The following KREMEN1 variants were observed in gnomAD, a reference collection of about 807,000 sequenced individuals.
KREMEN1 encodes the protein kringle containing transmembrane protein 1.
Under a neutral mutation model 46.5 loss-of-function variants are expected in KREMEN1, and 30 were observed. The observed-to-expected ratio is 0.65, with a 90% CI of 0.48 to 0.88. KREMEN1 has a LOEUF of 0.88. KREMEN1 is among the 40% of genes least tolerant of loss of function. KREMEN1 has a pLI of 0.00. For synonymous variants in KREMEN1, 214 were observed against 230.6 expected (o/e 0.93, Z 0.65); for missense variants, 533 against 596.9 (o/e 0.89, Z 1.11).
intron 1 of KREMEN1, among the ~76,000 whole-genome samples, chr22:29,074,081 C>A (rs899670680): frequency 6.6e-6 from 1 of 152,220 alleles, no homozygotes; most frequent in Non-Finnish European, 1.5e-5. Flanking sequence ...AGCCGGCGCT[C>A]AGCCCCTTTT....
At chr22:29,107,734 A>AT (rs2038084001) in intron 3 of KREMEN1, among the ~76,000 whole-genome samples, 1 of 152,028 alleles carries the variant, frequency 6.6e-6, no homozygotes. Flanking sequence ...AAACTTAAAA[A>AT]TTCACCAGGT....
chr22:29,141,991 CA>C lies in KREMEN1; in HGVS notation c.1257del (p.Thr421LeufsTer36). On this transcript the variant is annotated frameshift_variant, in exon 9 of 9. Transcript: ENST00000400335. LOFTEE classifies it high-confidence loss of function. Reference protein sequence around the residue: ...ASGDLRDCHQPGTSGEIWSIF... With the variant: ...ASGDLRDCHQXGTSGEIWSIF... ...GGGGACCTTAGGGATTGTCATCAAC[CA>C]GGGACTTCGGGGGAAATCTGGAGCA... The C allele has an allele frequency of 6.2e-7, 1 of 1,613,070 alleles. No individual in the cohort carries two copies. Among genetic ancestry groups the C allele is most frequent in the South Asian group, 1.1e-5 (1 of 90,854 alleles).
At chr22:29,139,205 A>G (rs1382544148) in intron 7 of KREMEN1, among the ~76,000 whole-genome samples, 2 of 152,366 alleles carry the variant, frequency 1.3e-5, no homozygotes, top group African/African-American at 2.4e-5. Flanking sequence ...GTACTGGATT[A>G]TAGAGTGAAC....
At chr22:29,115,658 C>G (rs1199169004) in intron 3 of KREMEN1, among the ~76,000 whole-genome samples, 1 of 152,148 alleles carries the variant, frequency 6.6e-6, no homozygotes. Flanking sequence ...TGTTCAGAAT[C>G]AAACTCAGCA....
Position 29,145,620 on chromosome 22 carries a change from G to A in KREMEN1, c.*3508G>A. Reference sequence around the variant, plus strand: ...GGCCCTTCTGAGAAGGCAGGCGGGAGGCACACGGTGCCCTGTTCTTCCCCG... The same window carrying A: ...GGCCCTTCTGAGAAGGCAGGCGGGAAGCACACGGTGCCCTGTTCTTCCCCG... On this transcript the variant is annotated 3_prime_UTR_variant, in exon 9 of 9. Coordinates refer to ENST00000400335, the MANE Select transcript of KREMEN1 (RefSeq NM_001039570.3). The A allele has an allele frequency of 1.0e-6, 1 of 985,546 alleles. No homozygotes were observed. Among genetic ancestry groups the A allele is most frequent in the Non-Finnish European group, 1.2e-6 (1 of 830,014 alleles). 61.1% of individuals were successfully genotyped at this position (985,546 alleles called of 1,614,324 possible). A position where few individuals can be genotyped will look rare whatever the true frequency, so the allele number is the denominator to read the frequency against.
At chr22:29,139,927 G>A (rs2038734752) in intron 7 of KREMEN1, among the ~76,000 whole-genome samples, 1 of 152,218 alleles carries the variant, frequency 6.6e-6, no homozygotes, top group South Asian at 2.1e-4. Flanking sequence ...TTCCTCGGAT[G>A]AGGAAACTGA....
At chr22:29,102,361 T>C (rs575916722) in intron 3 of KREMEN1, among the ~76,000 whole-genome samples, 55 of 152,318 alleles carry the variant, frequency 3.6e-4, no homozygotes, top group South Asian at 1.4e-3. Context: ...AAGAATGGGC[T>C]TTTGCTCAGT....
At chr22:29,161,420 T>TG (rs1408255035) in intron 9 of KREMEN1, among the ~76,000 whole-genome samples, 1 of 137,432 alleles carries the variant, frequency 7.3e-6, no homozygotes, top group Non-Finnish European at 1.5e-5. Context: ...GGCAGGAGAA[T>TG]GGCGTGAACC....
At chr22:29,159,148 T>C (rs2038988914) in intron 9 of KREMEN1, among the ~76,000 whole-genome samples, 1 of 149,852 alleles carries the variant, frequency 6.7e-6, no homozygotes, top group Non-Finnish European at 1.5e-5. Context: ...TTTTTTTTTT[T>C]AGAGACAGGA....
At chr22:29,085,257 T>C (rs2037711336) in intron 1 of KREMEN1, among the ~76,000 whole-genome samples, 1 of 152,198 alleles carries the variant, frequency 6.6e-6, no homozygotes, top group African/African-American at 2.4e-5. Context: ...GAAGAGAGTA[T>C]AAGGAAGTCC....
chr22:29,127,009 A>G (rs1425785539), intron 5 of KREMEN1, among the ~76,000 whole-genome samples: 1 of 152,240 alleles, frequency 6.6e-6, no homozygotes, highest in Non-Finnish European at 1.5e-5. Flanking sequence ...GTTCATTATT[A>G]TAAGATTCTC....
intron 1 of KREMEN1, among the ~76,000 whole-genome samples, chr22:29,083,307 A>T (rs2037684814): frequency 6.6e-6 from 1 of 152,244 alleles, no homozygotes; most frequent in South Asian, 2.1e-4. Flanking sequence ...GCTTTGGTTA[A>T]TAAATGAAAT....
chr22:29,131,523 CATATATATATATATATATATATATAT>C (rs148738725), intron 5 of KREMEN1, among the ~76,000 whole-genome samples: 8 of 93,774 alleles, frequency 8.5e-5, no homozygotes, highest in Non-Finnish European at 1.4e-4. Flanking sequence ...GTATTCTGTT[CATATATATATATATATATATATATAT>C]ATATATATAT....
intron 5 of KREMEN1, 65 bp downstream of exon 5, chr22:29,125,481 T>C (rs954418881): frequency 1.3e-6 from 2 of 1,530,738 alleles, no homozygotes; most frequent in African/African-American, 1.4e-5. Flanking sequence ...GCAACAAGCC[T>C]GCCCACCCTC....
Position 29,145,810 on chromosome 22 carries a change from C to T in KREMEN1, c.*3698C>T, listed in dbSNP as rs1008762631. 19 of 985,524 alleles carry T rather than the reference C, an allele frequency of 1.9e-5. No individual in the cohort carries two copies. The highest frequency in any genetic ancestry group is 4.7e-5 in the South Asian group (1 of 21,292). The allele number at this position is 985,524 out of a possible 1,614,324, so 61.0% of individuals were successfully genotyped here. On this transcript the variant is annotated 3_prime_UTR_variant, in exon 9 of 9. Coordinates refer to ENST00000400335, the MANE Select transcript of KREMEN1 (RefSeq NM_001039570.3). ...GTGGGCTCTGGCTCAAGACTCCAAT[C>T]GGCCAGAAGCCCACAGAGATCAAAG...
Position 29,143,688 on chromosome 22 carries a change from G to T in KREMEN1, c.*1576G>T. The T allele has an allele frequency of 1.1e-6, 1 of 896,100 alleles. No individual in the cohort carries two copies. The highest frequency in any genetic ancestry group is 1.3e-6 in the Non-Finnish European group (1 of 749,212). 55.5% of individuals were successfully genotyped at this position (896,100 alleles called of 1,614,324 possible). A position where few individuals can be genotyped will look rare whatever the true frequency, so the allele number is the denominator to read the frequency against. On this transcript the variant is annotated 3_prime_UTR_variant, in exon 9 of 9. Transcript: ENST00000400335. ...ACCCGGGAGGCGGAGCTTGCAGTGA[G>T]CAGAGATCACGCCACTGCACTCCAG...
intron 9 of KREMEN1, among the ~76,000 whole-genome samples, chr22:29,166,794 G>T (rs945499095): frequency 6.6e-6 from 1 of 152,072 alleles, no homozygotes; most frequent in African/African-American, 2.4e-5. Flanking sequence ...TTAGCCTAAT[G>T]TGGTGGCACA....
chr22:29,124,943 A>C (rs2038416737), intron 4 of KREMEN1, among the ~76,000 whole-genome samples: 1 of 152,238 alleles, frequency 6.6e-6, no homozygotes, highest in Non-Finnish European at 1.5e-5. Flanking sequence ...GGCTCATAGT[A>C]AACAGTCAAT....
intron 1 of KREMEN1, among the ~76,000 whole-genome samples, chr22:29,080,523 G>A (rs1237665378): frequency 6.6e-6 from 1 of 152,280 alleles, no homozygotes; most frequent in East Asian, 1.9e-4. Context: ...CTTCCCTAGC[G>A]CTTCTGGCAG....
Sources: gnomAD v4.1 joint callset for allele counts (sites outside exome capture counted in the v4.1 genomes callset) on GRCh38, gnomAD v4.1.1 for gene constraint, MANE v1.5 for transcripts, NCBI Gene and HGNC (gene_info 2026-07-23, HGNC 2026-07-21) for gene names.